Variants in POLR3E observed in about 807,000 individuals in gnomAD.
The protein encoded by POLR3E is RNA polymerase III subunit E.
POLR3E carries 41 observed loss-of-function variants against 96.6 expected under a neutral mutation model. The observed-to-expected ratio is 0.42, with a 90% CI of 0.33 to 0.55. The LOEUF (loss-of-function observed/expected upper bound fraction) is 0.55. POLR3E is among the 20% of genes least tolerant of loss of function. The pLI is 0.06. For missense variants in POLR3E, 849 were observed against 952.1 expected (o/e 0.89, Z 1.43); for synonymous variants, 396 against 383.6 (o/e 1.03, Z -0.38).
chr16:22,326,385 C>A, intron 18 of POLR3E, 107 bp downstream of exon 18: 1 of 945,590 alleles, frequency 1.1e-6, no homozygotes, highest in Non-Finnish European at 1.6e-6. Flanking sequence ...TGAGCATCTG[C>A]TCTCACGTGG....
At chr16:22,298,631 A>G (rs2047955974) in intron 1 of POLR3E, among the ~76,000 whole-genome samples, 1 of 152,200 alleles carries the variant, frequency 6.6e-6, no homozygotes, top group Admixed American at 6.5e-5. Context: ...GTTTATCAGA[A>G]AACCGTGCAG....
At chr16:22,319,873 A>G (rs2048435234) in intron 13 of POLR3E, among the ~76,000 whole-genome samples, 2 of 152,092 alleles carry the variant, frequency 1.3e-5, no homozygotes, top group Non-Finnish European at 2.9e-5. Flanking sequence ...CTAGCTATTT[A>G]AAATTATACA....
chr16:22,329,091 G>GA (rs200438689), intron 19 of POLR3E: 4,276 of 135,892 alleles, frequency 0.031, 93 homozygotes, highest in East Asian at 0.11. Flanking sequence ...GTCTCAGAAA[G>GA]AAAAAAAAAA....
chr16:22,313,539 C>T lies in POLR3E; in HGVS notation c.365-81C>T. Reference sequence around the variant, plus strand: ...GAGGCGGTTTGATGGTGGGCCTAGGCCTTCACGGGACTTGGTGACTCTCTT... The same window carrying T: ...GAGGCGGTTTGATGGTGGGCCTAGGTCTTCACGGGACTTGGTGACTCTCTT... On this transcript the variant is annotated intron_variant, in intron 6 of 20. Coordinates refer to ENST00000299853, the MANE Select transcript of POLR3E (RefSeq NM_018119.4). The surrounding 1 kb of genome is among the most constrained non-coding windows in gnomAD (Gnocchi z 4.1). 3 of 846,054 alleles carry T rather than the reference C, an allele frequency of 3.5e-6. No individual in the cohort carries two copies. The highest frequency in any genetic ancestry group is 6.0e-6 in the Non-Finnish European group (3 of 495,918). The allele number at this position is 846,054 out of a possible 1,614,324, so 52.4% of individuals were successfully genotyped here.
intron 5 of POLR3E, 135 bp from the exon 6 acceptor site, chr16:22,309,293 C>A: frequency 1.3e-6 from 1 of 775,566 alleles, no homozygotes. Flanking sequence ...TCCTGAGACC[C>A]GCGTAGGCTG....
At chr16:22,316,164 C>A (rs2048352629) in intron 9 of POLR3E, among the ~76,000 whole-genome samples, 1 of 152,168 alleles carries the variant, frequency 6.6e-6, no homozygotes, top group South Asian at 2.1e-4. Context: ...ACTGCTGTTT[C>A]CTGCTGTGTG....
chr16:22,331,285 A>ATCTT (rs2048735109), intron 19 of POLR3E: 1 of 152,022 alleles, frequency 6.6e-6, no homozygotes, highest in African/African-American at 2.4e-5. Context: ...GGCATGAAGC[A>ATCTT]TCTTTAAGAG....
At chr16:22,324,212 G>T in intron 14 of POLR3E, 142 bp from the exon 15 acceptor site, 1 of 649,826 alleles carries the variant, frequency 1.5e-6, no homozygotes, top group East Asian at 2.7e-5. Context: ...GACTGCCTGA[G>T]GCCACACTGT....
At chr16:22,328,845 G>C (rs1055444047) in intron 19 of POLR3E, 4 of 435,026 alleles carry the variant, frequency 9.2e-6, no homozygotes, top group South Asian at 4.2e-5. Context: ...AAAAATACAG[G>C]CTGGGCGTAG....
chr16:22,298,104 CTG>C (rs1263640295), intron 1 of POLR3E, among the ~76,000 whole-genome samples: 2 of 152,236 alleles, frequency 1.3e-5, no homozygotes, highest in South Asian at 2.1e-4. Context: ...CGAGCCAACT[CTG>C]TGTTCCGGAT....
Position 22,322,906 on chromosome 16 carries a change from T to A in POLR3E, c.1043T>A (p.Val348Glu). The A allele has an allele frequency of 6.2e-7, 1 of 1,612,504 alleles. No homozygotes were observed. The highest frequency in any genetic ancestry group is 8.5e-7 in the Non-Finnish European group (1 of 1,179,112). Residue 348 changes from valine (V) to glutamate (E), a missense_variant, in exon 14 of 21, where the codon GTG becomes GAG. By Grantham distance (121) the Val-to-Glu change is moderately radical. Transcript: ENST00000299853. This position sits in a 1 kb window ranked among gnomAD's most constrained non-coding sequence, Gnocchi z 5.2. ...SSPHSGVPAE[V>E]LCRGRDFVMW... The stretch of plus-strand genomic sequence containing the variant: ...CCTCACAGCGGCGTGCCTGCTGAGG[T>A]GCTCTGCAGGGGCCGAGACTTCGTT...
intron 16 of POLR3E, 48 bp from the exon 17 acceptor site, chr16:22,325,157 A>C: frequency 2.1e-6 from 3 of 1,406,884 alleles, no homozygotes; most frequent in Non-Finnish European, 3.0e-6. Flanking sequence ...TGTGAAGCAG[A>C]TGGTAGGGGA....
At chr16:22,309,587 G>C in intron 6 of POLR3E, 77 bp downstream of exon 6, 1 of 1,027,992 alleles carries the variant, frequency 9.7e-7, no homozygotes, top group Non-Finnish European at 1.5e-6. Flanking sequence ...TCCCCAGCCT[G>C]GTGTCCATCT....
At chr16:22,319,395 T>C (rs1160741031) in intron 13 of POLR3E, among the ~76,000 whole-genome samples, 2 of 151,780 alleles carry the variant, frequency 1.3e-5, no homozygotes, top group Non-Finnish European at 2.9e-5. Flanking sequence ...AAACTGTTTT[T>C]TGTTTTTTTG....
intron 8 of POLR3E, among the ~76,000 whole-genome samples, chr16:22,314,716 C>T (rs748499248): frequency 3.3e-5 from 5 of 152,068 alleles, no homozygotes; most frequent in Non-Finnish European, 5.9e-5. Flanking sequence ...ATGGAGGTGG[C>T]GCAGGGAGCT....
At chr16:22,305,099 C>T (rs577207729) in intron 2 of POLR3E, 57 bp from the exon 3 acceptor site, 24 of 1,387,172 alleles carry the variant, frequency 1.7e-5, no homozygotes, top group African/African-American at 4.3e-5. Flanking sequence ...TGGCATAGCC[C>T]GGGGAGGTCA....
rs921436632 is a variant in POLR3E, at chr16:22,324,733, G to T, written c.1286+73G>T. 1.9e-5 allele frequency: 28 copies of T among 1,505,844 alleles called. No individual in the cohort carries two copies. In the East Asian group the frequency reaches 6.3e-4, roughly 34 times the overall value. 93.3% of individuals were successfully genotyped at this position (1,505,844 alleles called of 1,614,324 possible). ...CTGCATCCTGGGGAGCACTGTCAGG[G>T]TGGATCCGAGCAATCTCTAGAAACC... On this transcript the variant is annotated intron_variant, in intron 16 of 20. Coordinates refer to ENST00000299853, the MANE Select transcript of POLR3E (RefSeq NM_018119.4).
chr16:22,333,623 T>C, intron 20 of POLR3E, 21 bp from the exon 21 acceptor site: 3 of 1,587,052 alleles, frequency 1.9e-6, no homozygotes, highest in Non-Finnish European at 1.7e-6. Context: ...AATCTGTGCT[T>C]ACCCTGTTTC....
chr16:22,329,271 G>A (rs1431778768), intron 19 of POLR3E, among the ~76,000 whole-genome samples: 1 of 152,160 alleles, frequency 6.6e-6, no homozygotes, highest in East Asian at 1.9e-4. Context: ...CTTGTCAGAT[G>A]TCAGGTCCTG....
Sources: allele counts gnomAD v4.1 joint callset (sites outside exome capture counted in the v4.1 genomes callset), GRCh38; gene constraint gnomAD v4.1.1; non-coding constraint Gnocchi (gnomAD v3.1); transcripts MANE v1.5; gene names NCBI Gene and HGNC (gene_info 2026-07-23, HGNC 2026-07-21).